PMFBP1: variants seen among roughly 807,000 people sequenced by gnomAD.
The protein encoded by PMFBP1 is polyamine-modulated factor 1-binding protein 1.
In PMFBP1, 131 loss-of-function variants were observed where a neutral mutation model predicts 137.8. That is an observed-to-expected ratio of 0.95 (90% CI 0.82 to 1.10). PMFBP1 has a LOEUF of 1.10. PMFBP1 is among the 50% of genes least tolerant of loss of function. The pLI, the probability that PMFBP1 is intolerant of heterozygous loss-of-function variation, is 0.00. For synonymous variants in PMFBP1, 490 were observed against 450.4 expected (o/e 1.09, Z -1.11); for missense variants, 1,199 against 1,175.4 (o/e 1.02, Z -0.29).
At chr16:72,242,680 T>G in the PMFBP1 span, among the ~76,000 whole-genome samples, 1 of 152,238 alleles carries the variant, frequency 6.6e-6, no homozygotes, top group Non-Finnish European at 1.5e-5. Flanking sequence ...TTAAAAGCAA[T>G]GCTTTTGATT....
rs776826338 is a variant in PMFBP1, at chr16:72,150,800, A to T, written c.444T>A (p.Asn148Lys). 2 of 1,613,978 alleles carry T rather than the reference A, an allele frequency of 1.2e-6. No individual in the cohort carries two copies. Among genetic ancestry groups the T allele is most frequent in the Non-Finnish European group, 1.7e-6 (2 of 1,180,006 alleles). The change falls in exon 5 of 21, where the codon AAT becomes AAA. Residue 148 changes from asparagine (N) to lysine (K), a missense_variant. Coordinates refer to ENST00000237353, the MANE Select transcript of PMFBP1 (RefSeq NM_031293.3). The part of the protein sequence containing the change: ...EVILYEEEMG[N>K]HNENTGEKLH... ...GCTTCTCCCCTGTGTTCTCGTTGTG[A>T]TTTCCCATTTCCTCCTCATAGAGAA... is the stretch of plus-strand genomic sequence containing the variant.
chr16:72,196,026 TGTGTGA>T, the PMFBP1 span, among the ~76,000 whole-genome samples: 1 of 99,608 alleles, frequency 1.0e-5, no homozygotes, highest in Non-Finnish European at 2.2e-5. Context: ...TGTGTGTGTG[TGTGTGA>T]AAGAGAGAGA....
At chr16:72,153,809 T>G (rs544953891) in intron 4 of PMFBP1, among the ~76,000 whole-genome samples, 4 of 148,352 alleles carry the variant, frequency 2.7e-5, no homozygotes, top group African/African-American at 1.0e-4. Flanking sequence ...AAGACCTTAT[T>G]TTTCTAAAAA....
At chr16:72,223,355 T>C in the PMFBP1 span, among the ~76,000 whole-genome samples, 1 of 152,214 alleles carries the variant, frequency 6.6e-6, no homozygotes, top group Admixed American at 6.5e-5. Flanking sequence ...AATCTTGTTT[T>C]TAAAAGACTG....
the PMFBP1 span, among the ~76,000 whole-genome samples, chr16:72,195,218 C>T: frequency 6.6e-6 from 1 of 152,176 alleles, no homozygotes. Context: ...CAGGACTCCT[C>T]AATAGGTCAT....
chr16:72,200,427 G>A, the PMFBP1 span, among the ~76,000 whole-genome samples: 1 of 152,210 alleles, frequency 6.6e-6, no homozygotes, highest in Non-Finnish European at 1.5e-5. Flanking sequence ...TTAGTGCCCT[G>A]GAAGGTTCTG....
the PMFBP1 span, among the ~76,000 whole-genome samples, chr16:72,215,255 GA>G: frequency 2.6e-5 from 4 of 151,802 alleles, no homozygotes; most frequent in Non-Finnish European, 5.9e-5. Context: ...TTAAATTAAA[GA>G]AGCATACAGA....
At chr16:72,154,747 G>A (rs2042956891) in intron 3 of PMFBP1, among the ~76,000 whole-genome samples, 1 of 152,098 alleles carries the variant, frequency 6.6e-6, no homozygotes, top group South Asian at 2.1e-4. Flanking sequence ...AGGACCTAGG[G>A]AGATATGTGT....
the PMFBP1 span, among the ~76,000 whole-genome samples, chr16:72,243,409 G>A: frequency 6.6e-6 from 1 of 152,162 alleles, no homozygotes; most frequent in Non-Finnish European, 1.5e-5. Flanking sequence ...ACCATGCAGG[G>A]ATCTCTGGAA....
At chr16:72,237,494 G>A in the PMFBP1 span, among the ~76,000 whole-genome samples, 9 of 151,922 alleles carry the variant, frequency 5.9e-5, no homozygotes, top group South Asian at 6.2e-4. Flanking sequence ...ATCTTAACAA[G>A]ATGAAGTGTT....
upstream of PMFBP1, among the ~76,000 whole-genome samples, chr16:72,180,794 T>C (rs2043273430): frequency 6.6e-6 from 1 of 152,132 alleles, no homozygotes; most frequent in South Asian, 2.1e-4. Flanking sequence ...TAAGACCACA[T>C]CAACTGCACA....
rs147790857 is a variant in PMFBP1 at position 72,151,018 on chromosome 16, AG to A, written c.415-190del. Among the ~76,000 whole-genome samples, 147 of 152,356 alleles carry A rather than the reference AG, an allele frequency of 9.6e-4. 3 individuals are homozygous for A. The East Asian group carries it at 0.024, about 25-fold the overall frequency. On this transcript the variant is annotated intron_variant, in intron 4 of 20. Coordinates refer to ENST00000237353, the MANE Select transcript of PMFBP1 (RefSeq NM_031293.3). ...GATGCTAATGATTGGAAACAAAAAAAGGTGGCCCTAGTTAGAGGTAAGCTCC... is the reference window on the plus strand; with the variant it reads ...GATGCTAATGATTGGAAACAAAAAAAGTGGCCCTAGTTAGAGGTAAGCTCC...
chr16:72,127,089 T>C lies in PMFBP1; in HGVS notation c.2089-957A>G, dbSNP rs539068831. On this transcript the variant is annotated intron_variant, in intron 14 of 20. Transcript: ENST00000237353. ...GCCAGAGGGAGACCTCAGAAATTCA[T>C]ATGCCTGACTTGTATTCTTTGGTAT... 2.0e-5 allele frequency among the ~76,000 whole-genome samples: 3 copies of C among 152,370 alleles called. No individual in the cohort carries two copies. In the South Asian group the frequency reaches 6.2e-4, roughly 32 times the overall value.
the PMFBP1 span, among the ~76,000 whole-genome samples, chr16:72,184,281 T>C: frequency 1.3e-5 from 2 of 152,134 alleles, no homozygotes; most frequent in African/African-American, 2.4e-5. Flanking sequence ...CAATAACATC[T>C]CCAGCACAGC....
chr16:72,207,630 T>C, the PMFBP1 span, among the ~76,000 whole-genome samples: 1 of 151,728 alleles, frequency 6.6e-6, no homozygotes, highest in Non-Finnish European at 1.5e-5. Flanking sequence ...GGAGAGCCTC[T>C]CATAGAGCCT....
chr16:72,210,771 T>C, the PMFBP1 span, among the ~76,000 whole-genome samples: 4 of 152,174 alleles, frequency 2.6e-5, no homozygotes, highest in African/African-American at 9.7e-5. Context: ...AGTGGTTGAC[T>C]CAAAGCAAAA....
intron 19 of PMFBP1, 192 bp from the exon 20 acceptor site, chr16:72,120,281 G>A: frequency 2.2e-6 from 2 of 900,636 alleles, no homozygotes; most frequent in Non-Finnish European, 3.4e-6. Flanking sequence ...CCAGGCCTGG[G>A]GTCTGAGTGG....
At chr16:72,129,260 G>C (rs369264935) in intron 12 of PMFBP1, 27 bp from the exon 13 acceptor site, 2 of 1,593,900 alleles carry the variant, frequency 1.3e-6, no homozygotes, top group Non-Finnish European at 1.7e-6. Flanking sequence ...TGAGCTGAAA[G>C]ACTGTCTTAG....
At chr16:72,247,459 C>A in the PMFBP1 span, among the ~76,000 whole-genome samples, 1 of 152,218 alleles carries the variant, frequency 6.6e-6, no homozygotes, top group African/African-American at 2.4e-5. Context: ...TCTAACTTAT[C>A]CTTGTGACTA....
Sources: gnomAD v4.1 joint callset for allele counts (sites outside exome capture counted in the v4.1 genomes callset) on GRCh38, gnomAD v4.1.1 for gene constraint, MANE v1.5 for transcripts, NCBI Gene and HGNC (gene_info 2026-07-23, HGNC 2026-07-21) for gene names.